The following DOK5 variants were observed in gnomAD, a reference collection of about 807,000 sequenced individuals.
The protein encoded by DOK5 is downstream of tyrosine kinase 5.
Under a neutral mutation model 43.3 loss-of-function variants are expected in DOK5, and 27 were observed. That is an observed-to-expected ratio of 0.62 (90% CI 0.46 to 0.86). DOK5 has a LOEUF of 0.86. DOK5 is among the 40% of genes least tolerant of loss of function. The pLI, the probability that DOK5 is intolerant of heterozygous loss-of-function variation, is 0.00. For missense variants in DOK5, 373 were observed against 392.9 expected (o/e 0.95, Z 0.43); for synonymous variants, 146 against 140.1 (o/e 1.04, Z -0.30).
intron 6 of DOK5, among the ~76,000 whole-genome samples, chr20:54,612,089 A>C (rs1190817340): frequency 4.6e-5 from 7 of 152,226 alleles, no homozygotes; most frequent in Admixed American, 4.6e-4. Context: ...TACAAATTTC[A>C]TATAATTTTC....
chr20:54,612,101 C>A (rs1209682195), intron 6 of DOK5, among the ~76,000 whole-genome samples: 1 of 152,228 alleles, frequency 6.6e-6, no homozygotes, highest in African/African-American at 2.4e-5. Flanking sequence ...ATAATTTTCA[C>A]ATGTCAGGAA....
intron 1 of DOK5, among the ~76,000 whole-genome samples, chr20:54,493,777 A>G (rs938491825): frequency 2.6e-5 from 4 of 151,960 alleles, no homozygotes; most frequent in African/African-American, 2.4e-5. Context: ...GTCTCTACAA[A>G]AATTAAAAAA....
intron 6 of DOK5, among the ~76,000 whole-genome samples, chr20:54,639,655 A>C (rs913500487): frequency 6.6e-6 from 1 of 152,100 alleles, no homozygotes; most frequent in African/African-American, 2.4e-5. Flanking sequence ...TATATTTTTT[A>C]AGTAGGAAGA....
At chr20:54,563,073 T>G (rs1162422252) in intron 2 of DOK5, among the ~76,000 whole-genome samples, 1 of 152,094 alleles carries the variant, frequency 6.6e-6, no homozygotes. Context: ...GTGATACAAT[T>G]AAAAGCCAAA....
chr20:54,642,937 C>T (rs1012361322), intron 6 of DOK5, among the ~76,000 whole-genome samples: 10 of 152,182 alleles, frequency 6.6e-5, no homozygotes, highest in African/African-American at 2.4e-4. Flanking sequence ...AGATAGGCTC[C>T]AGTCCCATCT....
chr20:54,639,623 TAA>T (rs11475854), intron 6 of DOK5, among the ~76,000 whole-genome samples: 10 of 151,112 alleles, frequency 6.6e-5, no homozygotes, highest in South Asian at 4.2e-4. Context: ...ATATCTATTG[TAA>T]AAAAAAAACT....
chr20:54,480,520 TA>T (rs1244631525), intron 1 of DOK5, among the ~76,000 whole-genome samples: 1 of 152,158 alleles, frequency 6.6e-6, no homozygotes, highest in Admixed American at 6.5e-5. Context: ...CATCAAGAAA[TA>T]ACCATAAAAA....
At chr20:54,605,020 T>TAC (rs1362306451) in intron 5 of DOK5, among the ~76,000 whole-genome samples, 17 of 96,992 alleles carry the variant, frequency 1.8e-4, no homozygotes, top group African/African-American at 7.3e-4. Context: ...AAAATATATA[T>TAC]ATATACACAC....
intron 1 of DOK5, among the ~76,000 whole-genome samples, chr20:54,481,106 A>G (rs945889297): frequency 6.9e-6 from 1 of 144,186 alleles, no homozygotes; most frequent in South Asian, 2.1e-4. Context: ...TCTATCTATC[A>G]TCTATCTATC....
intron 1 of DOK5, among the ~76,000 whole-genome samples, chr20:54,550,139 AG>A (rs1189966978): frequency 1.5e-4 from 23 of 150,188 alleles, no homozygotes; most frequent in African/African-American, 5.2e-4. Flanking sequence ...GCCTTCTTAA[AG>A]TTACTCACTC....
chr20:54,583,769 T>C (rs1985711009), intron 2 of DOK5, among the ~76,000 whole-genome samples: 1 of 152,158 alleles, frequency 6.6e-6, no homozygotes, highest in African/African-American at 2.4e-5. Context: ...AGCCTATGTG[T>C]GTCCTTAAAT....
chr20:54,482,046 G>C (rs1263198125), intron 1 of DOK5, among the ~76,000 whole-genome samples: 1 of 152,158 alleles, frequency 6.6e-6, no homozygotes, highest in Non-Finnish European at 1.5e-5. Context: ...TTGTTTTTTA[G>C]TTAGGAAAAC....
chr20:54,520,828 A>C (rs979330889), intron 1 of DOK5, among the ~76,000 whole-genome samples: 2 of 151,702 alleles, frequency 1.3e-5, no homozygotes, highest in Admixed American at 1.3e-4. Flanking sequence ...TACATGTCTT[A>C]TATTTTACGT....
intron 1 of DOK5, among the ~76,000 whole-genome samples, chr20:54,482,744 G>A (rs969514908): frequency 1.5e-4 from 23 of 152,156 alleles, no homozygotes; most frequent in African/African-American, 2.2e-4. Flanking sequence ...TGATCCACCC[G>A]TTTCAGCCTC....
chr20:54,569,548 A>T (rs1182383129), intron 2 of DOK5, among the ~76,000 whole-genome samples: 1 of 152,230 alleles, frequency 6.6e-6, no homozygotes, highest in Non-Finnish European at 1.5e-5. Flanking sequence ...TGGACGAAAC[A>T]GTCTTAGAAG....
At chr20:54,597,201 C>T (rs1168772065) in intron 5 of DOK5, among the ~76,000 whole-genome samples, 1 of 152,182 alleles carries the variant, frequency 6.6e-6, no homozygotes, top group Admixed American at 6.5e-5. Flanking sequence ...GACATTTGCA[C>T]TCACAATAGT....
Position 54,619,956 on chromosome 20 carries a change from A to G in DOK5, c.735+9433A>G, listed in dbSNP as rs567044288. ...TGTGTAAACGCTCTTTTCACAACTC[A>G]GCATCTCCTACTCTCCCTTGTACCT... On this transcript the variant is annotated intron_variant, in intron 6 of 7. Transcript: ENST00000262593. Among the ~76,000 whole-genome samples, 5 of 152,246 alleles carry G rather than the reference A, an allele frequency of 3.3e-5. No individual in the cohort carries two copies. The East Asian group carries it at 7.7e-4, about 24-fold the overall frequency.
chr20:54,588,567 G>T lies in DOK5; in HGVS notation c.259G>T (p.Asp87Tyr), dbSNP rs751913418. The T allele has an allele frequency of 2.5e-6, 4 of 1,614,148 alleles. No individual in the cohort carries two copies. The highest frequency in any genetic ancestry group is 2.7e-5 in the African/African-American group (2 of 75,052). Residue 87 changes from aspartate (D) to tyrosine (Y), a missense_variant, in exon 3 of 8, where the codon GAT (aspartate) becomes TAT (tyrosine). Physicochemically the swap from Asp to Tyr is radical, Grantham distance 160. Coordinates refer to ENST00000262593, the MANE Select transcript of DOK5 (RefSeq NM_018431.5). ...KHAIGIYFND[D>Y]TSKTFACESD... is the part of the protein sequence containing the mutation. ...TGCCATAGGGATTTATTTCAATGAC[G>T]ATACCTCCAAGACTTTTGCTTGCGA... is the stretch of plus-strand genomic sequence containing the variant.
chr20:54,544,369 A>T (rs973481594), intron 1 of DOK5, among the ~76,000 whole-genome samples: 1 of 152,222 alleles, frequency 6.6e-6, no homozygotes, highest in Non-Finnish European at 1.5e-5. Flanking sequence ...GTATATTATG[A>T]CTGGGGGAGG....
Sources: allele counts gnomAD v4.1 joint callset (sites outside exome capture counted in the v4.1 genomes callset), GRCh38; gene constraint gnomAD v4.1.1; transcripts MANE v1.5; gene names NCBI Gene and HGNC (gene_info 2026-07-23, HGNC 2026-07-21).